SORT1: variants seen among roughly 807,000 people sequenced by gnomAD.
The protein encoded by SORT1 is sortilin 1.
Under a neutral mutation model 101.7 loss-of-function variants are expected in SORT1, and 39 were observed. That is an observed-to-expected ratio of 0.38 (90% CI 0.30 to 0.50). The LOEUF (loss-of-function observed/expected upper bound fraction) is 0.50, where lower values mean the gene tolerates loss of function less well. SORT1 is among the 20% of genes least tolerant of loss of function. The pLI is 0.90. For synonymous variants in SORT1, 396 were observed against 393.7 expected, an observed-to-expected ratio of 1.01 and a Z score of -0.07; for missense variants, 878 against 1,040.4, an observed-to-expected ratio of 0.84 and a Z score of 2.15.
At chr1:109,318,127 G>A (rs534188785) in intron 15 of SORT1, among the ~76,000 whole-genome samples, 158 bp from the exon 16 acceptor site, 3 of 151,814 alleles carry the variant, frequency 2.0e-5, no homozygotes, top group East Asian at 1.9e-4. Flanking sequence ...GAAGGAGGTC[G>A]ATTTAGGAAA....
chr1:109,326,468 TACACACACACACAC>T (rs758005459), intron 13 of SORT1, among the ~76,000 whole-genome samples: 1 of 62,718 alleles, frequency 1.6e-5, no homozygotes, highest in Non-Finnish European at 3.0e-5. Context: ...TATATATACA[TACACACACACACAC>T]ACATATATAT....
At chr1:109,391,417 G>A (rs1013273031) in intron 1 of SORT1, among the ~76,000 whole-genome samples, 1 of 152,148 alleles carries the variant, frequency 6.6e-6, no homozygotes, top group Non-Finnish European at 1.5e-5. Flanking sequence ...ATGAATCATA[G>A]AATTTTTGAA....
rs1203839382 is a variant in SORT1 at position 109,355,425 on chromosome 1, T to C, written c.485A>G (p.Asn162Ser). ...KNFKDITDLINNTFIRTEFGM... is the reference protein window; with the variant it reads ...KNFKDITDLISNTFIRTEFGM... ...AAATTCAGTCCGAATAAAGGTGTTA[T>C]TGATGAGATCTGTAATATCCTTAAA... is the stretch of plus-strand genomic sequence containing the variant. The change falls in exon 4 of 20, where the codon AAT becomes AGT. Residue 162 changes from asparagine to serine, a missense_variant. Asn to Ser is a conservative substitution (Grantham distance 46, BLOSUM62 1). Coordinates refer to ENST00000256637, the MANE Select transcript of SORT1 (RefSeq NM_002959.7). 5 of 1,606,988 alleles carry C rather than the reference T, an allele frequency of 3.1e-6. No homozygotes were observed. The East Asian group carries it at 1.1e-4, about 36-fold the overall frequency.
At chr1:109,319,298 A>G (rs1380109560) in intron 15 of SORT1, among the ~76,000 whole-genome samples, 1 of 152,142 alleles carries the variant, frequency 6.6e-6, no homozygotes, top group Non-Finnish European at 1.5e-5. Context: ...GTCTGCTGAC[A>G]ATCTCCAGGG....
chr1:109,331,671 C>T (rs1397858520), intron 11 of SORT1, among the ~76,000 whole-genome samples: 1 of 151,942 alleles, frequency 6.6e-6, no homozygotes, highest in East Asian at 1.9e-4. Flanking sequence ...AATGGAAGTC[C>T]TAGCTGGAGC....
chr1:109,328,774 G>A (rs566802760), intron 11 of SORT1, among the ~76,000 whole-genome samples: 30 of 152,228 alleles, frequency 2.0e-4, no homozygotes, highest in Non-Finnish European at 3.1e-4. Context: ...TTCAGACACC[G>A]TACAAGATGT....
At chr1:109,327,397 C>T in intron 12 of SORT1, 102 bp downstream of exon 12, 2 of 770,502 alleles carry the variant, frequency 2.6e-6, no homozygotes, top group South Asian at 1.9e-5. Flanking sequence ...AATGTAAAAG[C>T]ATCCACATTG....
Position 109,397,756 on chromosome 1 carries a change from G to A in SORT1, c.137C>T (p.Pro46Leu), listed in dbSNP as rs1354509308. ...GATGGGGCCAGACCAGCGCGGCAGC[G>A]GCGCAGCGGGCGGCGGCGGCGCGTC... Reference protein sequence around the residue: ...RLDAPPPPAAPLPRWSGPIGV... With the variant: ...RLDAPPPPAALLPRWSGPIGV... Residue 46 changes from proline to leucine, a missense_variant, in exon 1 of 20, where the codon CCG becomes CTG. Physicochemically the swap from Pro to Leu is moderately conservative, Grantham distance 98. Coordinates refer to ENST00000256637, the MANE Select transcript of SORT1 (RefSeq NM_002959.7). 3.3e-6 allele frequency: 4 copies of A among 1,199,928 alleles called. No individual in the cohort carries two copies. The Admixed American group carries it at 1.4e-4, about 41-fold the overall frequency. 74.3% of individuals were successfully genotyped at this position (1,199,928 alleles called of 1,614,324 possible). A position where few individuals can be genotyped will look rare whatever the true frequency, so the allele number is the denominator to read the frequency against.
intron 3 of SORT1, chr1:109,366,940 G>C (rs1651131402): frequency 6.7e-6 from 1 of 148,580 alleles, no homozygotes; most frequent in Admixed American, 6.8e-5. Context: ...ACGTTAAAAA[G>C]TGTGCTAAGG....
chr1:109,388,380 C>T (rs892952080), intron 1 of SORT1, among the ~76,000 whole-genome samples: 9 of 151,396 alleles, frequency 5.9e-5, no homozygotes, highest in African/African-American at 9.7e-5. Flanking sequence ...CTAGGGCTAC[C>T]GGCATATGCT....
Position 109,311,634 on chromosome 1 carries a change from G to A in SORT1, c.*2409C>T, listed in dbSNP as rs1658735598. 1 of 152,332 alleles carries A rather than the reference G, an allele frequency of 6.6e-6. No individual in the cohort carries two copies. Among genetic ancestry groups the A allele is most frequent in the East Asian group, 1.9e-4 (1 of 5,188 alleles). 9.4% of individuals were successfully genotyped at this position (152,332 alleles called of 1,614,324 possible). On this transcript the variant is annotated 3_prime_UTR_variant, in exon 20 of 20. Transcript: ENST00000256637. ...ACTCTTGAGCAGTGACCCTCAATGA[G>A]GGGAGGGGCAGTTTCTGCAAACGTA...
chr1:109,384,149 C>A (rs1652420006), intron 1 of SORT1, among the ~76,000 whole-genome samples: 1 of 152,118 alleles, frequency 6.6e-6, no homozygotes, highest in Non-Finnish European at 1.5e-5. Context: ...AGCCAGTGTT[C>A]AAAGGAGAGG....
chr1:109,325,328 C>T (rs1331294001), intron 13 of SORT1, among the ~76,000 whole-genome samples: 1 of 150,342 alleles, frequency 6.7e-6, no homozygotes, highest in Non-Finnish European at 1.5e-5. Context: ...ACCTCTGCCT[C>T]CTGGGTTCAA....
intron 11 of SORT1, among the ~76,000 whole-genome samples, chr1:109,330,092 C>G (rs1366976949): frequency 6.6e-6 from 1 of 152,154 alleles, no homozygotes; most frequent in Non-Finnish European, 1.5e-5. Flanking sequence ...AGCTCCGCCT[C>G]CCGGGTTCAA....
intron 3 of SORT1, among the ~76,000 whole-genome samples, chr1:109,358,377 G>C (rs1650469413): frequency 6.6e-6 from 1 of 152,150 alleles, no homozygotes; most frequent in African/African-American, 2.4e-5. Context: ...GCCTCCCAAA[G>C]CTCTAGAATT....
At chr1:109,314,629 T>C in intron 18 of SORT1, 43 bp downstream of exon 18, 2 of 1,373,116 alleles carry the variant, frequency 1.5e-6, no homozygotes, top group Non-Finnish European at 2.1e-6. Context: ...ATCAGCCTTC[T>C]GGCTTGAACT....
chr1:109,346,160 A>C (rs2101589255), intron 7 of SORT1, among the ~76,000 whole-genome samples: 1 of 151,640 alleles, frequency 6.6e-6, no homozygotes, highest in African/African-American at 2.4e-5. Flanking sequence ...AAATACAAAA[A>C]AATTTAGCCA....
intron 15 of SORT1, among the ~76,000 whole-genome samples, chr1:109,321,658 C>T (rs1307796936): frequency 2.0e-5 from 3 of 152,162 alleles, no homozygotes; most frequent in African/African-American, 7.2e-5. Context: ...ATTCTACTGT[C>T]ACCTGCGATT....
At chr1:109,395,892 T>C (rs1041171151) in intron 1 of SORT1, among the ~76,000 whole-genome samples, 1 of 151,650 alleles carries the variant, frequency 6.6e-6, no homozygotes, top group African/African-American at 2.4e-5. Context: ...CTGGGGAACA[T>C]GGCAAAACCC....
Sources: gnomAD v4.1 joint callset for allele counts (sites outside exome capture counted in the v4.1 genomes callset) on GRCh38, gnomAD v4.1.1 for gene constraint, MANE v1.5 for transcripts, NCBI Gene and HGNC (gene_info 2026-07-23, HGNC 2026-07-21) for gene names.